B3GAT2: variants seen among roughly 807,000 people sequenced by gnomAD.
B3GAT2 encodes galactosylgalactosylxylosylprotein 3-beta-glucuronosyltransferase 2.
A neutral mutation model predicts 27.8 loss-of-function variants in B3GAT2; 26 were observed. The observed-to-expected ratio is 0.93, with a 90% CI of 0.68 to 1.30. B3GAT2 has a LOEUF of 1.30. Ranked by LOEUF, B3GAT2 falls within the 50% of genes most tolerant of loss-of-function variation. The pLI is 0.00. For synonymous variants in B3GAT2, 218 were observed against 195.1 expected (o/e 1.12, Z -0.98); for missense variants, 458 against 459.0 (o/e 1.00, Z 0.02).
chr6:70,917,700 T>C (rs983036023), intron 1 of B3GAT2, among the ~76,000 whole-genome samples: 6 of 152,184 alleles, frequency 3.9e-5, no homozygotes, highest in Non-Finnish European at 5.9e-5. Flanking sequence ...CATGCAGTTG[T>C]GCAGTTTTGA....
intron 2 of B3GAT2, among the ~76,000 whole-genome samples, chr6:70,886,984 T>C (rs1772199038): frequency 6.6e-6 from 1 of 152,150 alleles, no homozygotes; most frequent in Non-Finnish European, 1.5e-5. Flanking sequence ...AGCTGGTCCC[T>C]AGATCCTGCA....
chr6:70,896,929 A>G (rs991059631), intron 1 of B3GAT2, among the ~76,000 whole-genome samples: 1 of 152,212 alleles, frequency 6.6e-6, no homozygotes, highest in Non-Finnish European at 1.5e-5. Context: ...AATACATAGA[A>G]GTGGAATGGC....
chr6:70,929,713 A>G (rs1403521000), intron 1 of B3GAT2, among the ~76,000 whole-genome samples: 1 of 152,228 alleles, frequency 6.6e-6, no homozygotes, highest in Non-Finnish European at 1.5e-5. Context: ...AAATGGAAGA[A>G]CATTCCATGC....
intron 2 of B3GAT2, among the ~76,000 whole-genome samples, chr6:70,865,029 C>T (rs1771827068): frequency 6.6e-6 from 1 of 152,188 alleles, no homozygotes. Context: ...GATACACAGT[C>T]ACCCTCTGTA....
intron 1 of B3GAT2, among the ~76,000 whole-genome samples, chr6:70,934,690 T>G (rs945344997): frequency 2.0e-5 from 3 of 152,202 alleles, no homozygotes; most frequent in Non-Finnish European, 1.5e-5. Flanking sequence ...TTCAAAAAAC[T>G]GAGAAACACT....
At chr6:70,936,977 A>G (rs1291999396) in intron 1 of B3GAT2, among the ~76,000 whole-genome samples, 1 of 152,086 alleles carries the variant, frequency 6.6e-6, no homozygotes, top group Non-Finnish European at 1.5e-5. Flanking sequence ...TGGTTATTTG[A>G]AAGGATCAAC....
chr6:70,945,391 G>A (rs1196676745), intron 1 of B3GAT2, among the ~76,000 whole-genome samples: 1 of 152,138 alleles, frequency 6.6e-6, no homozygotes, highest in African/African-American at 2.4e-5. Flanking sequence ...AGCTGATGGA[G>A]CTGAAAGCCA....
At chr6:70,895,219 G>A (rs1772359588) in intron 1 of B3GAT2, among the ~76,000 whole-genome samples, 1 of 152,136 alleles carries the variant, frequency 6.6e-6, no homozygotes, top group Admixed American at 6.6e-5. Flanking sequence ...GCATGAGGTG[G>A]TCTTGTTGTT....
At chr6:70,887,793 G>T (rs1772213541) in intron 2 of B3GAT2, among the ~76,000 whole-genome samples, 1 of 152,192 alleles carries the variant, frequency 6.6e-6, no homozygotes, top group Admixed American at 6.5e-5. Flanking sequence ...TTTGAAGGAT[G>T]AGTAGGGCTG....
intron 1 of B3GAT2, among the ~76,000 whole-genome samples, chr6:70,938,018 A>C (rs552178436): frequency 6.6e-5 from 10 of 151,382 alleles, no homozygotes; most frequent in South Asian, 2.1e-4. Context: ...TGTCTCAGCC[A>C]AAAATCTCCT....
At chr6:70,952,906 T>C (rs1473072930) in intron 1 of B3GAT2, among the ~76,000 whole-genome samples, 4 of 152,222 alleles carry the variant, frequency 2.6e-5, no homozygotes, top group African/African-American at 9.6e-5. Flanking sequence ...GGAGGAATAA[T>C]TGAACACAGA....
chr6:70,864,503 C>A (rs1338253751), intron 2 of B3GAT2, among the ~76,000 whole-genome samples: 1 of 152,300 alleles, frequency 6.6e-6, no homozygotes, highest in East Asian at 1.9e-4. Context: ...GACATGTTAG[C>A]CTGTGGCTCT....
rs956640038 is a variant in B3GAT2 at position 70,956,819 on chromosome 6, C to A, written c.-390G>T. ...AAGCGGCACCCGGTGCGCCTCGCCG[C>A]TCCAGTCCGGCGGTGCTGCGGGCAC... On this transcript the variant is annotated 5_prime_UTR_variant, in exon 1 of 4. Coordinates refer to ENST00000230053, the MANE Select transcript of B3GAT2 (RefSeq NM_080742.3). 40 of 1,069,260 alleles carry A rather than the reference C, an allele frequency of 3.7e-5. No homozygotes were observed. Among genetic ancestry groups the A allele is most frequent in the Middle Eastern group, 4.4e-4 (1 of 2,268 alleles). The allele number at this position is 1,069,260 out of a possible 1,614,324, so 66.2% of individuals were successfully genotyped here. A position where few individuals can be genotyped will look rare whatever the true frequency, so the allele number is the denominator to read the frequency against.
chr6:70,938,061 G>A (rs1363774254), intron 1 of B3GAT2, among the ~76,000 whole-genome samples: 1 of 150,466 alleles, frequency 6.6e-6, no homozygotes, highest in Non-Finnish European at 1.5e-5. Flanking sequence ...AAAGTCTCAG[G>A]ATACAAAATC....
intron 2 of B3GAT2, among the ~76,000 whole-genome samples, chr6:70,875,006 A>T (rs2504746): frequency 0.17 from 25,552 of 149,886 alleles, 2,660 homozygotes; most frequent in Non-Finnish European, 0.23. Flanking sequence ...GCCTTTTTTA[A>T]AAAAAAAAAA....
At chr6:70,922,384 C>T (rs565292759) in intron 1 of B3GAT2, among the ~76,000 whole-genome samples, 1 of 152,124 alleles carries the variant, frequency 6.6e-6, no homozygotes, top group African/African-American at 2.4e-5. Context: ...ATCCAACAAT[C>T]GCAGAATAAA....
chr6:70,948,759 A>T (rs1308742088), intron 1 of B3GAT2, among the ~76,000 whole-genome samples: 1 of 152,242 alleles, frequency 6.6e-6, no homozygotes, highest in Non-Finnish European at 1.5e-5. Context: ...ACCAAAAAAG[A>T]ACCCACATCG....
chr6:70,946,580 G>A (rs1765487193), intron 1 of B3GAT2, among the ~76,000 whole-genome samples: 1 of 152,072 alleles, frequency 6.6e-6, no homozygotes, highest in African/African-American at 2.4e-5. Context: ...GATTCATAAA[G>A]CAAGTCCTGA....
At chr6:70,906,125 TTC>T (rs1430435974) in intron 1 of B3GAT2, among the ~76,000 whole-genome samples, 2 of 152,130 alleles carry the variant, frequency 1.3e-5, no homozygotes, top group Non-Finnish European at 2.9e-5. Flanking sequence ...ACTGCTTCAT[TTC>T]TCTTTCTTAA....
Sources: allele counts gnomAD v4.1 joint callset (sites outside exome capture counted in the v4.1 genomes callset), GRCh38; gene constraint gnomAD v4.1.1; transcripts MANE v1.5; gene names NCBI Gene and HGNC (gene_info 2026-07-23, HGNC 2026-07-21).